RANBP2: variants seen among roughly 807,000 people sequenced by gnomAD.
RANBP2 encodes RAN binding protein 2.
A neutral mutation model predicts 303.6 loss-of-function variants in RANBP2; 57 were observed. That is an observed-to-expected ratio of 0.19 (90% CI 0.15 to 0.23). The LOEUF (loss-of-function observed/expected upper bound fraction) is 0.23. Among genes scored for constraint, RANBP2 ranks in the 10% least tolerant of loss-of-function variants. The pLI is 1.00. For synonymous variants in RANBP2, 1,167 were observed against 1,301.5 expected (o/e 0.90, Z 2.23); for missense variants, 3,138 against 3,780.8 (o/e 0.83, Z 4.46).
intron 9 of RANBP2, among the ~76,000 whole-genome samples, chr2:108,750,596 T>C (rs1459195853): frequency 6.8e-6 from 1 of 146,784 alleles, no homozygotes; most frequent in African/African-American, 2.7e-5. Flanking sequence ...TCTTTTCTTT[T>C]CTTTTCTTTG....
chr2:109,000,061 G>A, the RANBP2 span, among the ~76,000 whole-genome samples: 1 of 152,250 alleles, frequency 6.6e-6, no homozygotes, highest in Non-Finnish European at 1.5e-5. Context: ...AACAGCTACA[G>A]TGCAGAAATG....
the RANBP2 span, among the ~76,000 whole-genome samples, chr2:109,238,732 C>A: frequency 6.6e-6 from 1 of 152,186 alleles, no homozygotes; most frequent in South Asian, 2.1e-4. Flanking sequence ...AGACTTCCTT[C>A]CCCCAGGCAG....
chr2:109,558,076 A>T, the RANBP2 span, among the ~76,000 whole-genome samples: 7 of 152,142 alleles, frequency 4.6e-5, no homozygotes, highest in African/African-American at 1.7e-4. Context: ...ACAGGCGTGA[A>T]CGACTGCACC....
the RANBP2 span, among the ~76,000 whole-genome samples, chr2:108,889,482 A>G: frequency 6.6e-6 from 1 of 152,118 alleles, no homozygotes; most frequent in Non-Finnish European, 1.5e-5. Flanking sequence ...TTCTAGACAT[A>G]TATATTTAGA....
chr2:109,653,814 TCAAA>T, the RANBP2 span, among the ~76,000 whole-genome samples: 17 of 152,308 alleles, frequency 1.1e-4, no homozygotes, highest in East Asian at 5.8e-4. Context: ...TTTCAATCAA[TCAAA>T]CAAACAAACT....
the RANBP2 span, among the ~76,000 whole-genome samples, chr2:109,240,786 C>T: frequency 1.3e-5 from 2 of 151,980 alleles, no homozygotes; most frequent in South Asian, 4.2e-4. Flanking sequence ...CTCTCTAGAC[C>T]CTGAGGGGTT....
At chr2:108,951,946 A>G in the RANBP2 span, among the ~76,000 whole-genome samples, 12 of 152,370 alleles carry the variant, frequency 7.9e-5, no homozygotes, top group Admixed American at 2.0e-4. Flanking sequence ...ACACTCTTAC[A>G]GTCTAATAAG....
the RANBP2 span, among the ~76,000 whole-genome samples, chr2:108,890,651 C>T: frequency 1.1e-4 from 17 of 152,270 alleles, no homozygotes; most frequent in South Asian, 2.7e-3. Flanking sequence ...ATGGCGAAAA[C>T]GCTTGCAGAA....
chr2:108,768,018 A>C lies in RANBP2; in HGVS notation c.7479A>C (p.Ser2493=), dbSNP rs1558927968. Residue 2493 remains serine (S), a synonymous_variant, in exon 20 of 29, where the codon TCA becomes TCC. Coordinates refer to ENST00000283195, the MANE Select transcript of RANBP2 (RefSeq NM_006267.5). Reference sequence around the variant, plus strand: ...GTGATGATGTAGCAGATGCAACTTCAGAAGTTGAAGTGTCTAGCACATCTG... The same window carrying C: ...GTGATGATGTAGCAGATGCAACTTCCGAAGTTGAAGTGTCTAGCACATCTG... The part of the protein sequence containing the change: ...IQGDDVADAT[S]EVEVSSTSET... The C allele has an allele frequency of 6.2e-7, 1 of 1,612,056 alleles. No individual in the cohort carries two copies. Among genetic ancestry groups the C allele is most frequent in the Non-Finnish European group, 8.5e-7 (1 of 1,179,874 alleles).
At chr2:109,496,859 G>A in the RANBP2 span, among the ~76,000 whole-genome samples, 36 of 152,374 alleles carry the variant, frequency 2.4e-4, no homozygotes, top group African/African-American at 8.4e-4. Context: ...GATTATCCAG[G>A]TGGGCCCTGT....
At chr2:109,159,350 A>G in the RANBP2 span, among the ~76,000 whole-genome samples, 1 of 152,328 alleles carries the variant, frequency 6.6e-6, no homozygotes, top group East Asian at 1.9e-4. Flanking sequence ...TGCCCTGCCC[A>G]GCCCCAGGGC....
the RANBP2 span, chr2:108,923,382 G>T: frequency 1.2e-6 from 2 of 1,614,200 alleles, no homozygotes; most frequent in African/African-American, 1.3e-5. Context: ...CTTGGTGTTG[G>T]GGGGTGCCAG....
At chr2:108,996,540 T>TTGGACTTCA in the RANBP2 span, among the ~76,000 whole-genome samples, 8 of 152,174 alleles carry the variant, frequency 5.3e-5, no homozygotes, top group Non-Finnish European at 1.2e-4. Context: ...AACAATGAAA[T>TTGGACTTCA]ACATACCCCA....
the RANBP2 span, among the ~76,000 whole-genome samples, chr2:109,519,441 G>T: frequency 6.6e-6 from 1 of 152,152 alleles, no homozygotes; most frequent in Non-Finnish European, 1.5e-5. Context: ...TGTGTGATTT[G>T]CCCAAACTTG....
the RANBP2 span, among the ~76,000 whole-genome samples, chr2:109,656,289 TTCTG>T: frequency 0.012 from 1,891 of 152,310 alleles, 12 homozygotes; most frequent in Non-Finnish European, 0.018. Context: ...TGGAACCACA[TTCTG>T]TCTTTCTTTT....
chr2:109,450,055 G>A, the RANBP2 span, among the ~76,000 whole-genome samples: 5 of 152,142 alleles, frequency 3.3e-5, no homozygotes, highest in Non-Finnish European at 7.4e-5. Context: ...TTTCATAAAA[G>A]AAAATCTGGG....
At chr2:108,786,728 G>T (rs1050350161), downstream of RANBP2, 18 of 1,174,482 alleles carry the variant, frequency 1.5e-5, no homozygotes, top group African/African-American at 2.1e-4. Context: ...CCTCGGGGGG[G>T]CGGGGTCTGG....
the RANBP2 span, among the ~76,000 whole-genome samples, chr2:109,142,597 C>T: frequency 6.6e-6 from 1 of 152,260 alleles, no homozygotes; most frequent in African/African-American, 2.4e-5. Context: ...GTCCTGTCAC[C>T]AGAAGCCTCT....
rs745342793 is a variant in RANBP2 at position 108,768,168 on chromosome 2, T to G, written c.7629T>G (p.Ser2543=). The part of the protein sequence containing the change: ...FAFGNSSATG[S]LFGFSFNAPL... ...TCGGCAACAGTTCAGCCACTGGGTC[T>G]TTGTTTGGATTTAGTTTTAATGCAC... The change falls in exon 20 of 29, where the codon TCT becomes TCG. Residue 2543 remains serine (S), a synonymous_variant. Coordinates refer to ENST00000283195, the MANE Select transcript of RANBP2 (RefSeq NM_006267.5). 1 of 1,612,032 alleles carries G rather than the reference T, an allele frequency of 6.2e-7. No homozygotes were observed. The highest frequency in any genetic ancestry group is 2.2e-5 in the East Asian group (1 of 44,886).
Sources: gnomAD v4.1 joint callset for allele counts (sites outside exome capture counted in the v4.1 genomes callset) on GRCh38, gnomAD v4.1.1 for gene constraint, MANE v1.5 for transcripts, NCBI Gene and HGNC (gene_info 2026-07-23, HGNC 2026-07-21) for gene names.